Variants in UNC13C observed in about 807,000 individuals in gnomAD.
The protein encoded by UNC13C is unc-13 homolog C.
In UNC13C, 174 loss-of-function variants were observed where a neutral mutation model predicts 245.4. The observed-to-expected ratio is 0.71, with a 90% CI of 0.63 to 0.80. UNC13C has a LOEUF of 0.80. UNC13C is among the 30% of genes least tolerant of loss of function. The pLI, the probability that UNC13C is intolerant of heterozygous loss-of-function variation, is 0.00. For synonymous variants in UNC13C, 992 were observed against 895.1 expected (o/e 1.11, Z -1.93); for missense variants, 2,829 against 2,602.9 (o/e 1.09, Z -1.89).
intron 4 of UNC13C, among the ~76,000 whole-genome samples, chr15:54,204,079 T>G (rs1472264729): frequency 6.6e-6 from 1 of 151,594 alleles, no homozygotes; most frequent in Non-Finnish European, 1.5e-5. Context: ...CTCAGTCATA[T>G]GTGGGAGCTA....
intron 30 of UNC13C, among the ~76,000 whole-genome samples, chr15:54,603,183 A>C (rs1899538143): frequency 2.0e-5 from 3 of 152,198 alleles, no homozygotes; most frequent in Non-Finnish European, 4.4e-5. Context: ...TTCTGGCCTC[A>C]ATAAGTAATT....
chr15:53,932,868 T>C, the UNC13C span, among the ~76,000 whole-genome samples: 1 of 152,196 alleles, frequency 6.6e-6, no homozygotes, highest in Non-Finnish European at 1.5e-5. Context: ...AACATCCCCA[T>C]TTAATTTTCA....
intron 13 of UNC13C, among the ~76,000 whole-genome samples, chr15:54,319,140 TA>T (rs1469752868): frequency 6.6e-6 from 1 of 151,868 alleles, no homozygotes; most frequent in African/African-American, 2.4e-5. Context: ...TTGAGTGTCC[TA>T]ACAATTTATT....
chr15:54,313,701 T>C (rs1692144925), intron 13 of UNC13C, among the ~76,000 whole-genome samples: 1 of 151,770 alleles, frequency 6.6e-6, no homozygotes, highest in South Asian at 2.1e-4. Flanking sequence ...TTTTTTTCTT[T>C]CAAAAGTTAT....
At chr15:54,172,900 A>C (rs371053131) in intron 4 of UNC13C, among the ~76,000 whole-genome samples, 1 of 150,916 alleles carries the variant, frequency 6.6e-6, no homozygotes, top group Non-Finnish European at 1.5e-5. Context: ...CATTATAGTT[A>C]ATTTTTGTGT....
At chr15:54,304,498 C>A (rs1376990205) in intron 13 of UNC13C, among the ~76,000 whole-genome samples, 1 of 151,990 alleles carries the variant, frequency 6.6e-6, no homozygotes, top group Admixed American at 6.6e-5. Flanking sequence ...AGACAGGCTT[C>A]TTTCTGCCTC....
At chr15:54,521,023 A>G (rs1039355018) in intron 24 of UNC13C, among the ~76,000 whole-genome samples, 5 of 152,206 alleles carry the variant, frequency 3.3e-5, no homozygotes, top group Non-Finnish European at 7.3e-5. Context: ...ATGGGGTAAT[A>G]AAATTAATGG....
At chr15:54,511,290 C>A (rs1293487811) in intron 23 of UNC13C, among the ~76,000 whole-genome samples, 1 of 152,042 alleles carries the variant, frequency 6.6e-6, no homozygotes, top group East Asian at 1.9e-4. Flanking sequence ...CTTCGAATAC[C>A]AGCATGTGGT....
At chr15:54,249,563 T>C (rs1200982611) in intron 7 of UNC13C, among the ~76,000 whole-genome samples, 1 of 152,214 alleles carries the variant, frequency 6.6e-6, no homozygotes, top group Admixed American at 6.5e-5. Context: ...TAGTTGGGCC[T>C]AGGAGAACTC....
intron 17 of UNC13C, among the ~76,000 whole-genome samples, chr15:54,366,929 C>A (rs563970148): frequency 6.6e-6 from 1 of 152,200 alleles, no homozygotes; most frequent in South Asian, 2.1e-4. Flanking sequence ...TCCTTAAGAG[C>A]CAGTTAGACC....
chr15:54,274,609 A>G (rs950583100), intron 10 of UNC13C, among the ~76,000 whole-genome samples: 1 of 151,572 alleles, frequency 6.6e-6, no homozygotes, highest in African/African-American at 2.4e-5. Flanking sequence ...TAAACTCTAA[A>G]GCAACCACTA....
chr15:54,373,274 T>A (rs1397270188), intron 17 of UNC13C, among the ~76,000 whole-genome samples: 2 of 152,218 alleles, frequency 1.3e-5, no homozygotes, highest in Non-Finnish European at 2.9e-5. Flanking sequence ...TGTTGCTTCA[T>A]TAGCCAGAAA....
chr15:54,102,145 G>A (rs1006715091), intron 2 of UNC13C, among the ~76,000 whole-genome samples: 1 of 150,538 alleles, frequency 6.6e-6, no homozygotes, highest in Non-Finnish European at 1.5e-5. Flanking sequence ...ACACAGATTA[G>A]GCAAATTCCC....
At chr15:53,941,807 G>A in the UNC13C span, among the ~76,000 whole-genome samples, 1 of 152,106 alleles carries the variant, frequency 6.6e-6, no homozygotes, top group African/African-American at 2.4e-5. Context: ...ATGAAAAAAA[G>A]CTCAACATCT....
At chr15:54,094,951 A>G (rs553607448) in intron 2 of UNC13C, among the ~76,000 whole-genome samples, 173 of 152,302 alleles carry the variant, frequency 1.1e-3, no homozygotes, top group African/African-American at 4.0e-3. Flanking sequence ...TATCTATCCT[A>G]ATAGCTTCAG....
At chr15:54,080,021 T>TTTTTTA (rs869267481) in intron 2 of UNC13C, among the ~76,000 whole-genome samples, 2 of 149,084 alleles carry the variant, frequency 1.3e-5, no homozygotes, top group African/African-American at 2.5e-5. Context: ...TTTTTTTTTT[T>TTTTTTA]ATCATAAAGT....
chr15:54,272,746 G>A (rs1255542338), intron 10 of UNC13C, among the ~76,000 whole-genome samples: 3 of 152,194 alleles, frequency 2.0e-5, no homozygotes, highest in East Asian at 1.9e-4. Flanking sequence ...CACATACAGC[G>A]AAGCCAACAG....
chr15:53,989,219 A>G (rs1214512049), intron 1 of UNC13C, among the ~76,000 whole-genome samples: 1 of 151,956 alleles, frequency 6.6e-6, no homozygotes, highest in East Asian at 1.9e-4. Flanking sequence ...AATATTTCTC[A>G]TCTAGACACT....
At chr15:54,098,327 A>C (rs1243720867) in intron 2 of UNC13C, among the ~76,000 whole-genome samples, 1 of 152,106 alleles carries the variant, frequency 6.6e-6, no homozygotes, top group Non-Finnish European at 1.5e-5. Context: ...GGCAAGTGCC[A>C]CCACGCCTGG....
Sources: allele counts gnomAD v4.1 joint callset (sites outside exome capture counted in the v4.1 genomes callset), GRCh38; gene constraint gnomAD v4.1.1; transcripts MANE v1.5; gene names NCBI Gene and HGNC (gene_info 2026-07-23, HGNC 2026-07-21).